The following ATXN7L3 variants were observed in gnomAD, a reference collection of about 807,000 sequenced individuals.
ATXN7L3 encodes ataxin-7-like protein 3.
In ATXN7L3, 6 loss-of-function variants were observed where a neutral mutation model predicts 50.0. That is an observed-to-expected ratio of 0.12 (90% CI 0.07 to 0.24). The LOEUF (loss-of-function observed/expected upper bound fraction) is 0.24. ATXN7L3 is among the 10% of genes least tolerant of loss of function. The pLI is 1.00. For missense variants in ATXN7L3, 322 were observed against 451.3 expected, an observed-to-expected ratio of 0.71 and a Z score of 2.60; for synonymous variants, 198 against 165.8, an observed-to-expected ratio of 1.19 and a Z score of -1.49.
intron 1 of ATXN7L3, 50 bp downstream of exon 1, chr17:44,199,446 C>T (rs1199932835): frequency 1.4e-5 from 2 of 144,650 alleles, no homozygotes; most frequent in African/African-American, 5.1e-5. Flanking sequence ...GCCCCCCGCC[C>T]CCCACAGGCC....
chr17:44,196,649 G>A (rs1002344429), intron 5 of ATXN7L3, among the ~76,000 whole-genome samples: 5 of 151,662 alleles, frequency 3.3e-5, no homozygotes, highest in Admixed American at 6.6e-5. Flanking sequence ...ATGGTAGCAC[G>A]CGACTGTAAT....
At chr17:44,195,350 A>C in intron 9 of ATXN7L3, 69 bp downstream of exon 9, 1 of 1,519,316 alleles carries the variant, frequency 6.6e-7, no homozygotes, top group Admixed American at 1.7e-5. Context: ...GCTTCCTCCC[A>C]GGCCTTGACC....
chr17:44,194,199 G>A lies in ATXN7L3; in HGVS notation c.*64C>T. ...AGCAGCCGTCCATTTGCCAGGCTAT[G>A]CCACCTGGGTGGGGGTCAGGAGAGA... is the stretch of plus-strand genomic sequence containing the variant. On this transcript the variant is annotated 3_prime_UTR_variant, in exon 13 of 13. Coordinates refer to ENST00000587097, the MANE Select transcript of ATXN7L3 (RefSeq NM_001382309.1). 3.8e-6 allele frequency: 6 copies of A among 1,567,196 alleles called. No homozygotes were observed. Among genetic ancestry groups the A allele is most frequent in the Non-Finnish European group, 5.2e-6 (6 of 1,156,890 alleles).
Position 44,194,138 on chromosome 17 carries a change from T to C in ATXN7L3, c.*125A>G, listed in dbSNP as rs1379921078. 1.4e-5 allele frequency: 19 copies of C among 1,325,042 alleles called. No homozygotes were observed. The highest frequency in any genetic ancestry group is 2.0e-5 in the Non-Finnish European group (19 of 967,146). 82.1% of individuals were successfully genotyped at this position (1,325,042 alleles called of 1,614,324 possible). On this transcript the variant is annotated 3_prime_UTR_variant, in exon 13 of 13. Coordinates refer to ENST00000587097, the MANE Select transcript of ATXN7L3 (RefSeq NM_001382309.1). ...GGGGCGCATAATCGGATCCTCTGCC[T>C]GCCTGGCCCACCAAGCTTCCCAAGC...
intron 12 of ATXN7L3, 23 bp from the exon 13 acceptor site, chr17:44,194,434 G>C (rs764138270): frequency 1.2e-6 from 2 of 1,613,810 alleles, no homozygotes; most frequent in Admixed American, 3.3e-5. Flanking sequence ...AGACACAAGG[G>C]ATGAGAGTAT....
At position 44,194,512 on chromosome 17, in the gene ATXN7L3, C is replaced by A. The variant is rs200230454; in HGVS notation, c.895+5G>T. 1.9e-6 allele frequency: 3 copies of A among 1,613,546 alleles called. No individual in the cohort carries two copies. The highest frequency in any genetic ancestry group is 3.3e-5 in the Admixed American group (2 of 60,000). ...GAGCCCCTAGGGCCCAACTGCATCA[C>A]GTACCTAGACCCCATCCCTGATTTT... On this transcript the variant is annotated splice_donor_5th_base_variant and intron_variant, in intron 12 of 12. Coordinates refer to ENST00000587097, the MANE Select transcript of ATXN7L3 (RefSeq NM_001382309.1).
intron 1 of ATXN7L3, chr17:44,198,466 C>G (rs117820542): frequency 0.018 from 3,478 of 196,036 alleles, 51 homozygotes; most frequent in Non-Finnish European, 0.025. Context: ...TCCAAGGCCT[C>G]AAAGCAAACC....
intron 8 of ATXN7L3, 77 bp from the exon 9 acceptor site, chr17:44,195,564 C>A: frequency 6.9e-7 from 1 of 1,439,678 alleles, no homozygotes; most frequent in Non-Finnish European, 9.8e-7. Context: ...GAGAATCAGT[C>A]CCTCTGGTCC....
chr17:44,195,407 G>C lies in ATXN7L3; in HGVS notation c.621+12C>G, dbSNP rs369530714. On this transcript the variant is annotated intron_variant, in intron 9 of 12. Coordinates refer to ENST00000587097, the MANE Select transcript of ATXN7L3 (RefSeq NM_001382309.1). The stretch of plus-strand genomic sequence containing the variant: ...CTCCCAGGGACCTTCTCTCTTGCTG[G>C]TCCTCCCTCACCGTGGTTAGCAGGC... The C allele has an allele frequency of 1.2e-6, 2 of 1,613,160 alleles. No homozygotes were observed. Among genetic ancestry groups the C allele is most frequent in the East Asian group, 4.5e-5 (2 of 44,862 alleles).
chr17:44,195,684 T>G, intron 8 of ATXN7L3, 116 bp downstream of exon 8: 1 of 1,269,522 alleles, frequency 7.9e-7, no homozygotes, highest in African/African-American at 1.5e-5. Flanking sequence ...ATATGTAAGA[T>G]CCAAATAGCT....
At chr17:44,194,480 G>A in intron 12 of ATXN7L3, 37 bp downstream of exon 12, 1 of 1,612,964 alleles carries the variant, frequency 6.2e-7, no homozygotes, top group South Asian at 1.1e-5. Context: ...CCATGGCTTT[G>A]GGCACAGAGC....
intron 8 of ATXN7L3, among the ~76,000 whole-genome samples, 155 bp from the exon 9 acceptor site, chr17:44,195,642 T>C (rs1277238378): frequency 1.3e-5 from 2 of 152,132 alleles, no homozygotes; most frequent in African/African-American, 4.8e-5. Flanking sequence ...CATCTGCCAA[T>C]GGATAAGGGG....
At chr17:44,197,969 C>T (rs751111058) in intron 2 of ATXN7L3, 51 bp downstream of exon 2, 29 of 1,590,222 alleles carry the variant, frequency 1.8e-5, no homozygotes, top group South Asian at 7.7e-5. Context: ...GATACAGCGA[C>T]GTAGAGACAT....
chr17:44,199,350 G>C (rs1427788902), intron 1 of ATXN7L3, 146 bp downstream of exon 1: 1 of 151,018 alleles, frequency 6.6e-6, no homozygotes, highest in Non-Finnish European at 1.5e-5. Flanking sequence ...GGGGGAAGCC[G>C]GGCGTTTCCG....
In ATXN7L3 at chr17:44,194,011, C is replaced by T; in HGVS notation, c.*252G>A. 1 of 492,084 alleles carries T rather than the reference C, an allele frequency of 2.0e-6. No homozygotes were observed. Among genetic ancestry groups the T allele is most frequent in the South Asian group, 2.7e-5 (1 of 36,670 alleles). 30.5% of individuals were successfully genotyped at this position (492,084 alleles called of 1,614,324 possible). A position where few individuals can be genotyped will look rare whatever the true frequency, so the allele number is the denominator to read the frequency against. On this transcript the variant is annotated 3_prime_UTR_variant, in exon 13 of 13. Coordinates refer to ENST00000587097, the MANE Select transcript of ATXN7L3 (RefSeq NM_001382309.1). ...GTAACTCACAGAATAAATAGGAAAA[C>T]CGCCTCCCCACCAAACTTATGTCCA...
rs900711641 is a variant in ATXN7L3, at chr17:44,192,304, C to T, written c.*1959G>A. ...CCCAGCCTGGGCAGGGGGCTCTGCCCTGAGGGCGGGCCAAGGAACAATGGG... is the reference window on the plus strand; with the variant it reads ...CCCAGCCTGGGCAGGGGGCTCTGCCTTGAGGGCGGGCCAAGGAACAATGGG... On this transcript the variant is annotated 3_prime_UTR_variant, in exon 13 of 13. Transcript: ENST00000587097. 11 of 152,306 alleles carry T rather than the reference C, an allele frequency of 7.2e-5. No homozygotes were observed. Among genetic ancestry groups the T allele is most frequent in the African/African-American group, 2.7e-4 (11 of 41,458 alleles). 9.4% of individuals were successfully genotyped at this position (152,306 alleles called of 1,614,324 possible). A position where few individuals can be genotyped will look rare whatever the true frequency, so the allele number is the denominator to read the frequency against.
At position 44,197,642 on chromosome 17, in the gene ATXN7L3, T is replaced by C. The variant is rs753815451; in HGVS notation, c.140A>G (p.Tyr47Cys). 8 of 1,614,204 alleles carry C rather than the reference T, an allele frequency of 5.0e-6. No individual in the cohort carries two copies. Among genetic ancestry groups the C allele is most frequent in the African/African-American group, 1.3e-5 (1 of 75,038 alleles). The change falls in exon 3 of 13, where the codon TAC (tyrosine) becomes TGC (cysteine). Residue 47 changes from tyrosine to cysteine, a missense_variant. By Grantham distance (194) the Tyr-to-Cys change is radical. Transcript: ENST00000587097. Reference sequence around the variant, plus strand: ...AGGGTCCGTGTCGTCCAAGAAGAAGTAGCCACACTTGACAGCCCGGTGTAC... The same window carrying C: ...AGGGTCCGTGTCGTCCAAGAAGAAGCAGCCACACTTGACAGCCCGGTGTAC... ...FEVHRAVKCG[Y>C]FFLDDTDPDS...
chr17:44,199,653 C>G lies in ATXN7L3; in HGVS notation c.-218G>C, dbSNP rs866987461. On this transcript the variant is annotated 5_prime_UTR_variant, in exon 1 of 13. Coordinates refer to ENST00000587097, the MANE Select transcript of ATXN7L3 (RefSeq NM_001382309.1). Reference sequence around the variant, plus strand: ...GGGGCCGGGGGGTCGGGCCGCCCCCCCGCCTGGCCGCCTCACCGGGCGGCC... The same window carrying G: ...GGGGCCGGGGGGTCGGGCCGCCCCCGCGCCTGGCCGCCTCACCGGGCGGCC... 1 of 144,666 alleles carries G rather than the reference C, an allele frequency of 6.9e-6. No homozygotes were observed. The highest frequency in any genetic ancestry group is 2.5e-5 in the African/African-American group (1 of 39,696). The allele number at this position is 144,666 out of a possible 1,614,324, so 9.0% of individuals were successfully genotyped here.
chr17:44,194,969 G>C lies in ATXN7L3; in HGVS notation c.665+128C>G, dbSNP rs530066698. On this transcript the variant is annotated intron_variant, in intron 10 of 12. Transcript: ENST00000587097. ...ATTCATCCCCAGATTGTGGCCAAAG[G>C]CCTCATCATTAGAGGAGGGAAGGGG... 6 of 1,460,730 alleles carry C rather than the reference G, an allele frequency of 4.1e-6. No homozygotes were observed. The African/African-American group carries it at 8.4e-5, about 20-fold the overall frequency. The allele number at this position is 1,460,730 out of a possible 1,614,324, so 90.5% of individuals were successfully genotyped here.
Sources: allele counts gnomAD v4.1 joint callset (sites outside exome capture counted in the v4.1 genomes callset), GRCh38; gene constraint gnomAD v4.1.1; transcripts MANE v1.5; gene names NCBI Gene and HGNC (gene_info 2026-07-23, HGNC 2026-07-21).